The following PECAM1 variants were observed in gnomAD, a reference collection of about 807,000 sequenced individuals.
PECAM1 encodes platelet and endothelial cell adhesion molecule 1, also known as platelet endothelial cell adhesion molecule.
A neutral mutation model predicts 13.8 loss-of-function variants in PECAM1; 8 were observed. The observed-to-expected ratio is 0.58, with a 90% CI of 0.34 to 1.05. The LOEUF (loss-of-function observed/expected upper bound fraction) is 1.05, where lower values mean the gene tolerates loss of function less well. PECAM1 is among the 50% of genes least tolerant of loss of function. The probability of loss-of-function intolerance (pLI) is 0.03; values close to 1 mark genes in which losing one functional copy is unlikely to be tolerated. For synonymous variants in PECAM1, 136 were observed against 52.6 expected, an observed-to-expected ratio of 2.58 and a Z score of -6.86; for missense variants, 304 against 141.2, an observed-to-expected ratio of 2.15 and a Z score of -5.84.
intron 13 of PECAM1, among the ~76,000 whole-genome samples, chr17:64,347,006 T>C (rs1368023061): frequency 4.6e-5 from 7 of 152,326 alleles, no homozygotes; most frequent in African/African-American, 1.7e-4. Flanking sequence ...TGCTCAGTAC[T>C]TCCTAATTCC....
chr17:64,374,753 C>T (rs1238635503), intron 4 of PECAM1, among the ~76,000 whole-genome samples: 2 of 151,028 alleles, frequency 1.3e-5, no homozygotes, highest in East Asian at 1.9e-4. Flanking sequence ...CACTGCACTC[C>T]AGCTTGGGCG....
chr17:64,328,108 C>A (rs2035007317), intron 15 of PECAM1, among the ~76,000 whole-genome samples: 1 of 152,230 alleles, frequency 6.6e-6, no homozygotes, highest in African/African-American at 2.4e-5. Context: ...TGGGAGCAGA[C>A]TTTGAGGCCC....
chr17:64,341,505 C>T (rs1218026751), intron 14 of PECAM1, 129 bp downstream of exon 14: 11 of 403,182 alleles, frequency 2.7e-5, no homozygotes, highest in African/African-American at 1.7e-4. Context: ...AAGCCCACAG[C>T]GCTGGTGTAA....
chr17:64,347,306 T>A (rs1325917698), intron 13 of PECAM1, among the ~76,000 whole-genome samples: 5 of 151,756 alleles, frequency 3.3e-5, no homozygotes, highest in African/African-American at 1.2e-4. Flanking sequence ...TCTTTTGAAG[T>A]CAGAAGTTCG....
chr17:64,334,484 A>G (rs1386087420), intron 14 of PECAM1, among the ~76,000 whole-genome samples: 1 of 151,944 alleles, frequency 6.6e-6, no homozygotes, highest in African/African-American at 2.4e-5. Flanking sequence ...TGGCTCACTG[A>G]TCTCACAGAC....
chr17:64,322,839 T>A lies in PECAM1; in HGVS notation c.*977A>T. 2.7e-6 allele frequency: 1 copy of A among 373,778 alleles called. No individual in the cohort carries two copies. The highest frequency in any genetic ancestry group is 3.7e-6 in the Non-Finnish European group (1 of 271,008). The allele number at this position is 373,778 out of a possible 1,614,324, so 23.2% of individuals were successfully genotyped here. The stretch of plus-strand genomic sequence containing the variant: ...CAAGCGATAATCTCACCTCAGCCTC[T>A]TGAGTAGCTGATACTACAGGCATGC... On this transcript the variant is annotated 3_prime_UTR_variant, in exon 16 of 16. Coordinates refer to ENST00000563924, the MANE Select transcript of PECAM1 (RefSeq NM_000442.5).
chr17:64,356,929 T>C (rs2035859746), intron 7 of PECAM1, among the ~76,000 whole-genome samples: 1 of 152,192 alleles, frequency 6.6e-6, no homozygotes, highest in Non-Finnish European at 1.5e-5. Flanking sequence ...CACAATCTTG[T>C]GACACTGCAC....
chr17:64,348,373 G>C, intron 12 of PECAM1, 51 bp from the exon 13 acceptor site: 1 of 472,376 alleles, frequency 2.1e-6, no homozygotes. Context: ...TCTCTTGTGG[G>C]CACCTCAGAT....
rs2034813854 is a variant in PECAM1 at position 64,321,682 on chromosome 17, G to T, written c.*2134C>A. The T allele has an allele frequency of 2.8e-6, 2 of 717,388 alleles. No individual in the cohort carries two copies. Among genetic ancestry groups the T allele is most frequent in the Non-Finnish European group, 3.8e-6 (2 of 532,072 alleles). The allele number at this position is 717,388 out of a possible 1,614,324, so 44.4% of individuals were successfully genotyped here. A position where few individuals can be genotyped will look rare whatever the true frequency, so the allele number is the denominator to read the frequency against. ...AAGCTGAGATGGGAGGATCGCTTGA[G>T]CCCAGGGGTTCGAGGCTGCGGTGAG... On this transcript the variant is annotated 3_prime_UTR_variant, in exon 16 of 16. Transcript: ENST00000563924.
Position 64,362,371 on chromosome 17 carries a change from C to T in PECAM1, c.1216+778G>A, listed in dbSNP as rs1205412483. On this transcript the variant is annotated intron_variant, in intron 6 of 15. Transcript: ENST00000563924. ...AAAATGGAATTTTGATATTCTTGGC[C>T]GGGTGTGGTGGCTCAGGCCTGTAAT... is the stretch of plus-strand genomic sequence containing the variant. Among the ~76,000 whole-genome samples, 6 of 152,234 alleles carry T rather than the reference C, an allele frequency of 3.9e-5. No individual in the cohort carries two copies. The East Asian group carries it at 5.8e-4, about 15-fold the overall frequency.
chr17:64,348,858 A>G (rs1209231296), intron 12 of PECAM1, among the ~76,000 whole-genome samples: 1 of 152,210 alleles, frequency 6.6e-6, no homozygotes, highest in Non-Finnish European at 1.5e-5. Context: ...AGGCAGATAC[A>G]GGGCCTCGGG....
rs1020433627 is a variant in PECAM1, at chr17:64,378,316, C to G, written c.92-199G>C. Among the ~76,000 whole-genome samples, 175 of 152,204 alleles carry G rather than the reference C, an allele frequency of 1.1e-3. 2 individuals are homozygous for G. The highest frequency in any genetic ancestry group is 4.1e-3 in the African/African-American group (169 of 41,542). ...GGAGGCAGTTGGTACTAAGCTGCAA[C>G]TTTTCCCACCAAGGCAAAGGAACAG... On this transcript the variant is annotated intron_variant, in intron 2 of 15. Transcript: ENST00000563924.
Position 64,334,376 on chromosome 17 carries a change from C to T in PECAM1, c.2165-4654G>A, listed in dbSNP as rs982448703. On this transcript the variant is annotated intron_variant, in intron 14 of 15. Transcript: ENST00000563924. ...AAGGGCCAGAACTGTGCCCTTTAAG[C>T]CATTTCCCAAAATAGGCAGCCCTGA... Among the ~76,000 whole-genome samples the T allele has an allele frequency of 2.4e-3, 362 of 152,194 alleles. 3 individuals are homozygous for T. Among genetic ancestry groups the T allele is most frequent in the Admixed American group, 3.9e-3 (60 of 15,284 alleles).
At chr17:64,360,582 C>CTGTGTCTG (rs2035949455) in intron 6 of PECAM1, among the ~76,000 whole-genome samples, 167 bp from the exon 7 acceptor site, 1 of 139,394 alleles carries the variant, frequency 7.2e-6, no homozygotes, top group African/African-American at 2.6e-5. Flanking sequence ...GACTGACAGG[C>CTGTGTCTG]TGTGTGTGTG....
intron 13 of PECAM1, among the ~76,000 whole-genome samples, chr17:64,347,618 AAAT>A (rs1322869488): frequency 1.4e-5 from 2 of 145,392 alleles, no homozygotes; most frequent in Non-Finnish European, 3.0e-5. Flanking sequence ...AAATATATAA[AAAT>A]AAAAAATAAA....
At position 64,320,179 on chromosome 17, in the gene PECAM1, G is replaced by T. The variant is rs1472753627; in HGVS notation, c.*3637C>A. The T allele has an allele frequency of 6.6e-6, 1 of 152,252 alleles. No individual in the cohort carries two copies. The highest frequency in any genetic ancestry group is 1.5e-5 in the Non-Finnish European group (1 of 68,092). The allele number at this position is 152,252 out of a possible 1,614,324, so 9.4% of individuals were successfully genotyped here. A position where few individuals can be genotyped will look rare whatever the true frequency, so the allele number is the denominator to read the frequency against. ...GAGGGTTTCTTCCCAACACGCCAAT[G>T]ACGCTGGTGGAGAGTCTTAAAAACA... On this transcript the variant is annotated 3_prime_UTR_variant, in exon 16 of 16. Coordinates refer to ENST00000563924, the MANE Select transcript of PECAM1 (RefSeq NM_000442.5).
At chr17:64,358,475 A>G (rs2035898576) in intron 7 of PECAM1, among the ~76,000 whole-genome samples, 1 of 152,034 alleles carries the variant, frequency 6.6e-6, no homozygotes, top group African/African-American at 2.4e-5. Flanking sequence ...TTTGCTGGAG[A>G]TGTTCAGCCA....
chr17:64,329,487 G>A (rs538238839), intron 15 of PECAM1, among the ~76,000 whole-genome samples: 11 of 152,124 alleles, frequency 7.2e-5, no homozygotes, highest in East Asian at 1.9e-4. Context: ...ATCCCTTCAC[G>A]TGTGGGCTGA....
chr17:64,358,531 C>A (rs939991389), intron 7 of PECAM1, among the ~76,000 whole-genome samples: 5 of 152,138 alleles, frequency 3.3e-5, no homozygotes, highest in Admixed American at 6.5e-5. Context: ...TGGCACCTAG[C>A]CCAGCTTTTT....
Sources: gnomAD v4.1 joint callset for allele counts (sites outside exome capture counted in the v4.1 genomes callset) on GRCh38, gnomAD v4.1.1 for gene constraint, MANE v1.5 for transcripts, NCBI Gene and HGNC (gene_info 2026-07-23, HGNC 2026-07-21) for gene names.